The following KIF1B variants were observed in gnomAD, a reference collection of about 807,000 sequenced individuals.
KIF1B encodes kinesin-like protein KIF1B.
A neutral mutation model predicts 241.9 loss-of-function variants in KIF1B; 76 were observed. That is an observed-to-expected ratio of 0.31 (90% CI 0.26 to 0.38). KIF1B has a LOEUF of 0.38. Among genes scored for constraint, KIF1B ranks in the 10% least tolerant of loss-of-function variants. The pLI is 1.00. For synonymous variants in KIF1B, 750 were observed against 796.7 expected (o/e 0.94, Z 0.99); for missense variants, 1,622 against 2,271.4 (o/e 0.71, Z 5.81).
Position 10,375,350 on chromosome 1 carries a change from C to T in KIF1B, c.5385C>T (p.Asn1795=), listed in dbSNP as rs747560588. 1.2e-6 allele frequency: 2 copies of T among 1,613,714 alleles called. No homozygotes were observed. Among genetic ancestry groups the T allele is most frequent in the Non-Finnish European group, 1.7e-6 (2 of 1,179,754 alleles). ...TGAACGACTGGTTGTATGCCTTCAA[C>T]CCACTTCTAGCTGGCACAATACGGT... The part of the protein sequence containing the change: ...KDMNDWLYAF[N]PLLAGTIRSK... The change falls in exon 48 of 49, where the codon AAC becomes AAT. Residue 1795 remains asparagine, a synonymous_variant. Transcript: ENST00000676179.
At chr1:10,278,968 A>G (rs1168291026) in intron 13 of KIF1B, 129 bp from the exon 14 acceptor site, 14 of 549,734 alleles carry the variant, frequency 2.5e-5, no homozygotes, top group South Asian at 8.3e-5. Flanking sequence ...GTTTGTAAAA[A>G]TGATACCGTA....
chr1:10,373,257 CTTTT>C (rs35038013), intron 45 of KIF1B, among the ~76,000 whole-genome samples: 3 of 128,268 alleles, frequency 2.3e-5, no homozygotes. Context: ...CTGCGCCGGC[CTTTT>C]TTTTTTTTTT....
rs1638988064 is a variant in KIF1B, at chr1:10,380,262, T to C, written c.*3675T>C. 1 of 212,402 alleles carries C rather than the reference T, an allele frequency of 4.7e-6. No homozygotes were observed. The highest frequency in any genetic ancestry group is 1.9e-4 in the South Asian group (1 of 5,320). 13.2% of individuals were successfully genotyped at this position (212,402 alleles called of 1,614,324 possible). On this transcript the variant is annotated 3_prime_UTR_variant, in exon 49 of 49. Coordinates refer to ENST00000676179, the MANE Select transcript of KIF1B (RefSeq NM_001365951.3). ...ACAGTGGATTGGAGAGAAAGGATTC[T>C]CCAGTGTGCACACTCATCGGTACTC... is the stretch of plus-strand genomic sequence containing the variant.
intron 38 of KIF1B, among the ~76,000 whole-genome samples, chr1:10,358,684 A>AT (rs35798174): frequency 9.1e-6 from 1 of 110,278 alleles, no homozygotes; most frequent in Admixed American, 8.5e-5. Flanking sequence ...ACTCTGTCTC[A>AT]AAAAAAAAAA....
At chr1:10,238,381 CAAAA>C (rs755794359) in intron 2 of KIF1B, among the ~76,000 whole-genome samples, 6 of 87,128 alleles carry the variant, frequency 6.9e-5, no homozygotes, top group Non-Finnish European at 1.1e-4. Flanking sequence ...AACTTTGTCT[CAAAA>C]AAAAAAAAAA....
At chr1:10,267,758 A>G (rs1427616032) in intron 6 of KIF1B, among the ~76,000 whole-genome samples, 200 bp downstream of exon 6, 1 of 152,228 alleles carries the variant, frequency 6.6e-6, no homozygotes, top group African/African-American at 2.4e-5. Context: ...TTGCTGAAAC[A>G]TGTTAGAGCT....
At chr1:10,371,856 C>A (rs781607432) in intron 45 of KIF1B, among the ~76,000 whole-genome samples, 5 of 152,128 alleles carry the variant, frequency 3.3e-5, no homozygotes, top group Admixed American at 2.0e-4. Context: ...TCGCTTGAAT[C>A]CAGGAGTTCA....
intron 1 of KIF1B, among the ~76,000 whole-genome samples, chr1:10,211,127 C>A (rs975831972): frequency 6.6e-6 from 1 of 152,154 alleles, no homozygotes; most frequent in African/African-American, 2.4e-5. Flanking sequence ...CCCTCCGTTT[C>A]CCCCGCGCTG....
chr1:10,271,813 G>A (rs1379197750), intron 8 of KIF1B, among the ~76,000 whole-genome samples: 1 of 152,170 alleles, frequency 6.6e-6, no homozygotes, highest in East Asian at 1.9e-4. Context: ...AACTTCAATG[G>A]AAGGATAAGT....
chr1:10,378,040 C>G lies in KIF1B; in HGVS notation c.*1453C>G, dbSNP rs1055423020. 1 of 389,678 alleles carries G rather than the reference C, an allele frequency of 2.6e-6. No individual in the cohort carries two copies. The highest frequency in any genetic ancestry group is 2.0e-5 in the African/African-American group (1 of 49,046). The allele number at this position is 389,678 out of a possible 1,614,324, so 24.1% of individuals were successfully genotyped here. A position where few individuals can be genotyped will look rare whatever the true frequency, so the allele number is the denominator to read the frequency against. Reference sequence around the variant, plus strand: ...CAGGCATAAACCTGGAAGTCTCCCTCTGAATCCAGCAGTTGTTTTCATTGA... The same window carrying G: ...CAGGCATAAACCTGGAAGTCTCCCTGTGAATCCAGCAGTTGTTTTCATTGA... On this transcript the variant is annotated 3_prime_UTR_variant, in exon 49 of 49. Coordinates refer to ENST00000676179, the MANE Select transcript of KIF1B (RefSeq NM_001365951.3).
At chr1:10,222,507 A>G (rs367831650) in intron 1 of KIF1B, among the ~76,000 whole-genome samples, 5 of 152,186 alleles carry the variant, frequency 3.3e-5, no homozygotes, top group Non-Finnish European at 5.9e-5. Context: ...GCTGTTTTCT[A>G]TGGAAAAGGA....
Position 10,295,776 on chromosome 1 carries a change from C to T in KIF1B, c.1777+10C>T, listed in dbSNP as rs3753037. The T allele has an allele frequency of 0.29, 465,022 of 1,603,204 alleles. 68,451 individuals are homozygous for T. Among genetic ancestry groups the T allele is most frequent in the Admixed American group, 0.34 (20,263 of 59,958 alleles). On this transcript the variant is annotated intron_variant, in intron 19 of 48. Transcript: ENST00000676179. ...AGCAACAGCGGGGAAGGTGAGCATT[C>T]CTGGCTGGAGCTTCAGCAACAACAT...
At chr1:10,321,906 T>C in intron 24 of KIF1B, 49 bp downstream of exon 24, 4 of 1,609,692 alleles carry the variant, frequency 2.5e-6, no homozygotes, top group Non-Finnish European at 3.4e-6. Context: ...CCGAGCCTGC[T>C]GTGGGTGCAT....
rs768625194 is a variant in KIF1B at position 10,374,286 on chromosome 1, C to T, written c.4947-30C>T. 15 of 1,608,852 alleles carry T rather than the reference C, an allele frequency of 9.3e-6. No homozygotes were observed. The highest frequency in any genetic ancestry group is 6.7e-5 in the African/African-American group (5 of 74,766). ...TGATTGTAACTGATTCTCTTGTTAC[C>T]CTTTTCTTTCTAATCTCTCTATTTT... is the stretch of plus-strand genomic sequence containing the variant. On this transcript the variant is annotated intron_variant, in intron 45 of 48. Transcript: ENST00000676179. The surrounding 1 kb of genome is among the most constrained non-coding windows in gnomAD (Gnocchi z 4.3).
intron 22 of KIF1B, chr1:10,305,002 A>G: frequency 1.8e-6 from 2 of 1,124,992 alleles, no homozygotes; most frequent in Non-Finnish European, 2.2e-6. Flanking sequence ...ATCCAGAAAG[A>G]CCTGCCTCTT....
intron 17 of KIF1B, 95 bp downstream of exon 17, chr1:10,292,217 C>A: frequency 1.1e-6 from 1 of 887,870 alleles, no homozygotes. Flanking sequence ...CCTACTCTCC[C>A]CCTTATTATC....
intron 8 of KIF1B, 98 bp downstream of exon 8, chr1:10,271,677 A>G (rs1648807269): frequency 1.0e-5 from 9 of 862,306 alleles, no homozygotes; most frequent in Non-Finnish European, 1.8e-5. Flanking sequence ...ACATTTGTTT[A>G]TGTATTGTCT....
chr1:10,229,825 C>T (rs1646955583), intron 1 of KIF1B, among the ~76,000 whole-genome samples: 1 of 135,688 alleles, frequency 7.4e-6, no homozygotes, highest in Non-Finnish European at 1.5e-5. Flanking sequence ...CGCGCCACTG[C>T]ACTCCATCCA....
chr1:10,313,215 G>A (rs1651143180), intron 22 of KIF1B, among the ~76,000 whole-genome samples: 2 of 151,106 alleles, frequency 1.3e-5, no homozygotes, highest in South Asian at 4.2e-4. Flanking sequence ...ACAGGCACAC[G>A]CCACCACGCC....
Sources: allele counts gnomAD v4.1 joint callset (sites outside exome capture counted in the v4.1 genomes callset), GRCh38; gene constraint gnomAD v4.1.1; non-coding constraint Gnocchi (gnomAD v3.1); transcripts MANE v1.5; gene names NCBI Gene and HGNC (gene_info 2026-07-23, HGNC 2026-07-21).